ODAM: variants seen among roughly 807,000 people sequenced by gnomAD.
ODAM encodes the protein odontogenic ameloblast-associated protein.
Under a neutral mutation model 48.5 loss-of-function variants are expected in ODAM, and 55 were observed. The observed-to-expected ratio is 1.13, with a 90% CI of 0.91 to 1.42. ODAM has a LOEUF of 1.42. Among genes scored for constraint, ODAM ranks in the 40% most tolerant of loss-of-function variants. The pLI, the probability that ODAM is intolerant of heterozygous loss-of-function variation, is 0.00. For missense variants in ODAM, 353 were observed against 323.6 expected (o/e 1.09, Z -0.70); for synonymous variants, 127 against 107.8 (o/e 1.18, Z -1.10).
In ODAM at chr4:70,197,293, A is replaced by G. The variant is rs1729390007; in HGVS notation, c.113A>G (p.Asn38Ser). The G allele has an allele frequency of 2.1e-6, 3 of 1,444,588 alleles. No homozygotes were observed. In the South Asian group the frequency reaches 3.4e-5, roughly 17 times the overall value. The allele number at this position is 1,444,588 out of a possible 1,614,324, so 89.5% of individuals were successfully genotyped here. A position where few individuals can be genotyped will look rare whatever the true frequency, so the allele number is the denominator to read the frequency against. The change falls in exon 4 of 12, where the codon AAT (asparagine) becomes AGT (serine). Residue 38 changes from asparagine to serine, a missense_variant. Asn to Ser is a conservative substitution (Grantham distance 46, BLOSUM62 1). Coordinates refer to ENST00000683306, the MANE Select transcript of ODAM (RefSeq NM_017855.4). ...TTCTAGTTACTTCTTAATCTTAATA[A>G]TGGTCAACTTTTGCCACTACAACTT... ...NSNELLLNLN[N>S]GQLLPLQLQG...
rs1429563257 is a variant in ODAM, at chr4:70,203,165, G to C, written c.820G>C (p.Asp274His). Residue 274 changes from aspartate to histidine, a missense_variant, in exon 11 of 12, where the codon GAC becomes CAC. Transcript: ENST00000683306. ...PELPEEKDKT[D>H]SLREP Reference sequence around the variant, plus strand: ...GTCCTTTTCTCACTAGGACAAGACTGACAGCCTAAGGGAACCATAAGAAGT... The same window carrying C: ...GTCCTTTTCTCACTAGGACAAGACTCACAGCCTAAGGGAACCATAAGAAGT... 2 of 1,601,230 alleles carry C rather than the reference G, an allele frequency of 1.2e-6. No individual in the cohort carries two copies. Among genetic ancestry groups the C allele is most frequent in the African/African-American group, 2.7e-5 (2 of 74,512 alleles).
At chr4:70,201,588 G>A (rs1458711231) in intron 8 of ODAM, 87 bp downstream of exon 8, 3 of 772,658 alleles carry the variant, frequency 3.9e-6, no homozygotes, top group African/African-American at 1.8e-5. Flanking sequence ...TTCAGCCAAA[G>A]ATGACCAGGA....
At position 70,202,929 on chromosome 4, in the gene ODAM, A is replaced by C. The variant is rs765839761; in HGVS notation, c.810+12A>C. The C allele has an allele frequency of 6.3e-7, 1 of 1,590,108 alleles. No homozygotes were observed. Among genetic ancestry groups the C allele is most frequent in the Non-Finnish European group, 8.5e-7 (1 of 1,171,750 alleles). ...TCCCAGAAGAGAAGGTAGAGTCATGAAAACTTCACTTTATGCAAAAAAATT... is the reference window on the plus strand; with the variant it reads ...TCCCAGAAGAGAAGGTAGAGTCATGCAAACTTCACTTTATGCAAAAAAATT... On this transcript the variant is annotated intron_variant, in intron 10 of 11. Coordinates refer to ENST00000683306, the MANE Select transcript of ODAM (RefSeq NM_017855.4).
At chr4:70,196,624 AC>A in intron 2 of ODAM, 30 bp downstream of exon 2, 1 of 1,590,624 alleles carries the variant, frequency 6.3e-7, no homozygotes. Flanking sequence ...TACTAGTCCC[AC>A]TGTGTTAAAC....
In ODAM at chr4:70,198,091, C is replaced by G; in HGVS notation, c.309C>G (p.Ala103=). The G allele has an allele frequency of 6.2e-7, 1 of 1,613,304 alleles. No homozygotes were observed. Among genetic ancestry groups the G allele is most frequent in the Non-Finnish European group, 8.5e-7 (1 of 1,179,532 alleles). ...LTGEASFAQG[A]QAGQVDPLQL... ...GAGAGGCCAGTTTTGCCCAAGGAGC[C>G]CAGGCAGGCCAAGTTGATCCCTTAC... The change falls in exon 5 of 12, where the codon GCC becomes GCG. Residue 103 remains alanine (A), a synonymous_variant. Coordinates refer to ENST00000683306, the MANE Select transcript of ODAM (RefSeq NM_017855.4).
Position 70,201,439 on chromosome 4 carries a change from T to TA in ODAM, c.529-9dup. On this transcript the variant is annotated splice_polypyrimidine_tract_variant and intron_variant, in intron 7 of 11. Transcript: ENST00000683306. ...ATCACAGAAAATATAATACATTTTT[T>TA]AAAAAATCTGACAGATACCATTCTA... 1 of 1,397,886 alleles carries TA rather than the reference T, an allele frequency of 7.2e-7. No homozygotes were observed. Among genetic ancestry groups the TA allele is most frequent in the Non-Finnish European group, 1.0e-6 (1 of 997,648 alleles). The allele number at this position is 1,397,886 out of a possible 1,614,324, so 86.6% of individuals were successfully genotyped here.
Position 70,198,451 on chromosome 4 carries a change from A to G in ODAM, c.376-128A>G, listed in dbSNP as rs1288598057. On this transcript the variant is annotated intron_variant, in intron 5 of 11. Transcript: ENST00000683306. ...TTTATGTCAGCACATGTAACGGATG[A>G]CTTTTTGTTGTGGAAACTTGTTAAC... The G allele has an allele frequency of 1.9e-5, 14 of 733,866 alleles. No homozygotes were observed. The South Asian group carries it at 2.1e-4, about 11-fold the overall frequency. The allele number at this position is 733,866 out of a possible 1,614,324, so 45.5% of individuals were successfully genotyped here.
chr4:70,202,248 G>T lies in ODAM; in HGVS notation c.577-10G>T. ...TGATTTAGACTTTTTAAAACTTTTT[G>T]TGTTTTTAGGCTATATCAGGAGGAC... On this transcript the variant is annotated splice_polypyrimidine_tract_variant and intron_variant, in intron 8 of 11. Coordinates refer to ENST00000683306, the MANE Select transcript of ODAM (RefSeq NM_017855.4). 6 of 1,608,246 alleles carry T rather than the reference G, an allele frequency of 3.7e-6. No individual in the cohort carries two copies. The highest frequency in any genetic ancestry group is 5.1e-6 in the Non-Finnish European group (6 of 1,175,536).
intron 11 of ODAM, among the ~76,000 whole-genome samples, chr4:70,203,594 A>G (rs1181620958): frequency 6.6e-6 from 1 of 151,902 alleles, no homozygotes; most frequent in South Asian, 2.1e-4. Flanking sequence ...TTAAGTAAAA[A>G]TCTCAAAATG....
At chr4:70,199,610 A>T (rs1729452505) in intron 6 of ODAM, among the ~76,000 whole-genome samples, 2 of 151,970 alleles carry the variant, frequency 1.3e-5, no homozygotes, top group Admixed American at 6.6e-5. Flanking sequence ...CTGGCTTTAC[A>T]TTAGAATCTC....
chr4:70,198,170 TC>T lies in ODAM; in HGVS notation c.375+14del. 1 of 1,604,806 alleles carries T rather than the reference TC, an allele frequency of 6.2e-7. No individual in the cohort carries two copies. Among genetic ancestry groups the T allele is most frequent in the South Asian group, 1.1e-5 (1 of 90,478 alleles). On this transcript the variant is annotated intron_variant, in intron 5 of 11. Coordinates refer to ENST00000683306, the MANE Select transcript of ODAM (RefSeq NM_017855.4). ...AGGCCCCAGTCACGTAAGTCAGGCC[TC>T]TTTCATTTTGTTCTGAGGAGAGAGA... is the stretch of plus-strand genomic sequence containing the variant.
rs745854889 is a variant in ODAM at position 70,202,843 on chromosome 4, C to A, written c.736C>A (p.Pro246Thr). 1 of 1,612,304 alleles carries A rather than the reference C, an allele frequency of 6.2e-7. No homozygotes were observed. The highest frequency in any genetic ancestry group is 8.5e-7 in the Non-Finnish European group (1 of 1,179,016). The stretch of plus-strand genomic sequence containing the variant: ...AGGAGTTTTCATGCCCTCAACTTCA[C>A]CAAAACCCAGCACAACCAATGTTTT... ...SAGVFMPSTSPKPSTTNVFTS... is the reference protein window; with the variant it reads ...SAGVFMPSTSTKPSTTNVFTS... Residue 246 changes from proline (P) to threonine (T), a missense_variant, in exon 10 of 12, where the codon CCA (proline) becomes ACA (threonine). Transcript: ENST00000683306.
At position 70,202,298 on chromosome 4, in the gene ODAM, A is replaced by C. The variant is rs1325806552; in HGVS notation, c.617A>C (p.Gln206Pro). The stretch of plus-strand genomic sequence containing the variant: ...CAGCAGCAACTAGCTTTTGATCCCC[A>C]ACTAGGCACAGCTCCTGAAATTGCT... ...GGQQQLAFDP[Q>P]LGTAPEIAVM... Residue 206 changes from glutamine (Q) to proline (P), a missense_variant, in exon 9 of 12, where the codon CAA (glutamine) becomes CCA (proline). By Grantham distance (76) the Gln-to-Pro change is moderately conservative (BLOSUM62 -1). Coordinates refer to ENST00000683306, the MANE Select transcript of ODAM (RefSeq NM_017855.4). 6.2e-7 allele frequency: 1 copy of C among 1,612,018 alleles called. No individual in the cohort carries two copies.
At chr4:70,197,895 C>T (rs756433683) in intron 4 of ODAM, 29 bp from the exon 5 acceptor site, 2 of 1,575,776 alleles carry the variant, frequency 1.3e-6, no homozygotes, top group Admixed American at 3.4e-5. Flanking sequence ...ATGAAGGGAA[C>T]ATGCTTTCTT....
At position 70,202,828 on chromosome 4, in the gene ODAM, AT is replaced by A; in HGVS notation, c.722del (p.Met241SerfsTer18). The A allele has an allele frequency of 6.2e-7, 1 of 1,612,224 alleles. No homozygotes were observed. Among genetic ancestry groups the A allele is most frequent in the Non-Finnish European group, 8.5e-7 (1 of 1,178,902 alleles). ...NFRHDSAGVF[M>X]PSTSPKPSTT... ...TAGACATGACAGTGCAGGAGTTTTC[AT>A]GCCCTCAACTTCACCAAAACCCAGC... On this transcript the variant is annotated frameshift_variant, in exon 10 of 12. Coordinates refer to ENST00000683306, the MANE Select transcript of ODAM (RefSeq NM_017855.4). LOFTEE classifies it high-confidence loss of function.
At position 70,200,510 on chromosome 4, in the gene ODAM, A is replaced by G; in HGVS notation, c.437A>G (p.Tyr146Cys). ...PQEQGQMFQYYPVYMVLPWEQ... is the reference protein window; with the variant it reads ...PQEQGQMFQYCPVYMVLPWEQ... The stretch of plus-strand genomic sequence containing the variant: ...TTTTACAAGTAGATGTTTCAATACT[A>G]TCCAGTTTACATGGTCCTACCCTGG... Residue 146 changes from tyrosine (Y) to cysteine (C), a missense_variant, in exon 7 of 12, where the codon TAT becomes TGT. By Grantham distance (194) the Tyr-to-Cys change is radical. Transcript: ENST00000683306. The G allele has an allele frequency of 1.9e-6, 3 of 1,600,156 alleles. No homozygotes were observed. The highest frequency in any genetic ancestry group is 2.6e-6 in the Non-Finnish European group (3 of 1,168,818).
chr4:70,197,645 G>C, intron 4 of ODAM: 2 of 539,222 alleles, frequency 3.7e-6, no homozygotes, highest in South Asian at 4.5e-5. Context: ...GTTAAGGTAG[G>C]GGAAAATACA....
chr4:70,200,788 A>G (rs756385635), intron 7 of ODAM, among the ~76,000 whole-genome samples, 187 bp downstream of exon 7: 6 of 151,962 alleles, frequency 3.9e-5, no homozygotes, highest in Non-Finnish European at 8.8e-5. Flanking sequence ...CTTATTTGGT[A>G]ATATTCCAGG....
intron 7 of ODAM, 100 bp downstream of exon 7, chr4:70,200,701 C>T: frequency 4.5e-6 from 3 of 669,806 alleles, no homozygotes; most frequent in Non-Finnish European, 7.7e-6. Flanking sequence ...ATATTTAATG[C>T]AAACACTCAA....
Sources: allele counts gnomAD v4.1 joint callset (sites outside exome capture counted in the v4.1 genomes callset), GRCh38; gene constraint gnomAD v4.1.1; transcripts MANE v1.5; gene names NCBI Gene and HGNC (gene_info 2026-07-23, HGNC 2026-07-21).